The following CSNK2A2IP variants were observed in gnomAD, a reference collection of about 807,000 sequenced individuals.
The protein encoded by CSNK2A2IP is casein kinase 2 subunit alpha' interacting protein.
chr3:88,459,613 G>A, the CSNK2A2IP span, among the ~76,000 whole-genome samples: 1 of 152,022 alleles, frequency 6.6e-6, no homozygotes, highest in East Asian at 1.9e-4. Context: ...AGTAGTGATA[G>A]TAAATATGCT....
the CSNK2A2IP span, among the ~76,000 whole-genome samples, chr3:88,371,593 G>T: frequency 6.6e-6 from 1 of 151,600 alleles, no homozygotes; most frequent in Non-Finnish European, 1.5e-5. Flanking sequence ...ATGCGTAATT[G>T]GAGTCAAAAA....
At chr3:88,373,792 A>T in the CSNK2A2IP span, among the ~76,000 whole-genome samples, 3 of 151,516 alleles carry the variant, frequency 2.0e-5, no homozygotes, top group Admixed American at 2.0e-4. Flanking sequence ...AATATAAAAA[A>T]TAAAAGATGA....
At chr3:88,354,418 G>A in the CSNK2A2IP span, among the ~76,000 whole-genome samples, 1 of 152,142 alleles carries the variant, frequency 6.6e-6, no homozygotes, top group Non-Finnish European at 1.5e-5. Context: ...CATAGAATGG[G>A]TAGTACTCAT....
At chr3:88,389,752 A>C in the CSNK2A2IP span, among the ~76,000 whole-genome samples, 1 of 152,046 alleles carries the variant, frequency 6.6e-6, no homozygotes, top group Non-Finnish European at 1.5e-5. Context: ...GGACAGAGCC[A>C]ACAGTGGCAA....
At chr3:88,358,839 G>A in the CSNK2A2IP span, among the ~76,000 whole-genome samples, 1 of 152,056 alleles carries the variant, frequency 6.6e-6, no homozygotes, top group African/African-American at 2.4e-5. Context: ...GGTAATTCTA[G>A]CTTTGTAGAA....
chr3:88,409,922 G>A, the CSNK2A2IP span, among the ~76,000 whole-genome samples: 2 of 151,920 alleles, frequency 1.3e-5, no homozygotes, highest in South Asian at 2.1e-4. Context: ...TTTAACTTCC[G>A]TAACAAATGC....
the CSNK2A2IP span, among the ~76,000 whole-genome samples, chr3:88,342,196 A>G: frequency 6.6e-6 from 1 of 152,032 alleles, no homozygotes; most frequent in Non-Finnish European, 1.5e-5. Flanking sequence ...GAAATGCTTC[A>G]GAATTCAGGA....
the CSNK2A2IP span, among the ~76,000 whole-genome samples, chr3:88,457,017 TG>T: frequency 6.6e-6 from 1 of 152,120 alleles, no homozygotes; most frequent in African/African-American, 2.4e-5. Flanking sequence ...TACCAGGGTA[TG>T]TTTATAAAAA....
At chr3:88,465,566 T>G in the CSNK2A2IP span, 1 of 1,231,738 alleles carries the variant, frequency 8.1e-7, no homozygotes, top group Non-Finnish European at 1.0e-6. Flanking sequence ...TGCTCAGTAT[T>G]GCCTTCTCCC....
the CSNK2A2IP span, among the ~76,000 whole-genome samples, chr3:88,419,349 A>G: frequency 6.6e-6 from 1 of 152,166 alleles, no homozygotes; most frequent in Non-Finnish European, 1.5e-5. Context: ...TTATGAGAAC[A>G]TGCAATATTT....
the CSNK2A2IP span, among the ~76,000 whole-genome samples, chr3:88,344,452 C>T: frequency 6.6e-6 from 1 of 151,844 alleles, no homozygotes; most frequent in South Asian, 2.1e-4. Context: ...GAGAAAACAA[C>T]AGAAATAATA....
the CSNK2A2IP span, among the ~76,000 whole-genome samples, chr3:88,403,250 T>C: frequency 2.0e-5 from 3 of 152,228 alleles, no homozygotes; most frequent in Non-Finnish European, 4.4e-5. Context: ...AACTAGGCTC[T>C]GCAATATTTT....
chr3:88,343,720 G>A, the CSNK2A2IP span, among the ~76,000 whole-genome samples: 1 of 151,730 alleles, frequency 6.6e-6, no homozygotes, highest in East Asian at 1.9e-4. Flanking sequence ...AAAGTCATTG[G>A]GAGACTGACA....
chr3:88,437,974 A>C, the CSNK2A2IP span, among the ~76,000 whole-genome samples: 1 of 152,226 alleles, frequency 6.6e-6, no homozygotes, highest in Non-Finnish European at 1.5e-5. Flanking sequence ...GAATCTACAA[A>C]GGCTGAAAAA....
the CSNK2A2IP span, among the ~76,000 whole-genome samples, chr3:88,418,918 ACCTGAGCTCTG>A: frequency 2.0e-5 from 3 of 152,250 alleles, no homozygotes; most frequent in East Asian, 5.8e-4. Context: ...TCACGTTACC[ACCTGAGCTCTG>A]CCTGCCGTCA....
the CSNK2A2IP span, among the ~76,000 whole-genome samples, chr3:88,369,648 A>T: frequency 7.2e-5 from 11 of 151,936 alleles, no homozygotes; most frequent in Non-Finnish European, 1.0e-4. Context: ...GGATGAACCC[A>T]GGGAGTTTGT....
chr3:88,458,788 T>C, the CSNK2A2IP span, among the ~76,000 whole-genome samples: 2 of 152,190 alleles, frequency 1.3e-5, no homozygotes, highest in African/African-American at 2.4e-5. Flanking sequence ...AGTATAAATA[T>C]GAAAAGTATT....
the CSNK2A2IP span, among the ~76,000 whole-genome samples, chr3:88,360,472 T>A: frequency 6.6e-6 from 1 of 151,922 alleles, no homozygotes; most frequent in Admixed American, 6.5e-5. Flanking sequence ...CTCATGTAAG[T>A]ATAGTTACTT....
At chr3:88,390,431 C>T in the CSNK2A2IP span, among the ~76,000 whole-genome samples, 1 of 152,076 alleles carries the variant, frequency 6.6e-6, no homozygotes, top group Admixed American at 6.5e-5. Context: ...AAAATGATGG[C>T]ATGTATAGGA....
Sources: allele counts gnomAD v4.1 joint callset (sites outside exome capture counted in the v4.1 genomes callset), GRCh38; gene constraint gnomAD v4.1.1; transcripts MANE v1.5; gene names NCBI Gene and HGNC (gene_info 2026-07-23, HGNC 2026-07-21).